Variants in SSBP3 observed in about 807,000 individuals in gnomAD.
SSBP3 encodes the protein single stranded DNA binding protein 3.
A neutral mutation model predicts 69.6 loss-of-function variants in SSBP3; 5 were observed. The observed-to-expected ratio is 0.07, with a 90% CI of 0.04 to 0.15. SSBP3 has a LOEUF of 0.15. Among genes scored for constraint, SSBP3 ranks in the 10% least tolerant of loss-of-function variants. SSBP3 has a pLI of 1.00. For synonymous variants in SSBP3, 196 were observed against 193.4 expected (o/e 1.01, Z -0.11); for missense variants, 312 against 534.0 (o/e 0.58, Z 4.10).
chr1:54,281,568 C>T (rs1242623053), intron 4 of SSBP3, 41 bp from the exon 5 acceptor site: 2 of 1,519,154 alleles, frequency 1.3e-6, no homozygotes, highest in African/African-American at 2.8e-5. Flanking sequence ...GCCAAACCCA[C>T]AACCAGAGAC....
At chr1:54,233,539 G>GT (rs1344342106) in intron 14 of SSBP3, among the ~76,000 whole-genome samples, 27 of 146,498 alleles carry the variant, frequency 1.8e-4, no homozygotes, top group African/African-American at 6.8e-4. Flanking sequence ...AGGGAGGTGG[G>GT]GGGGGTAAGC....
At chr1:54,274,398 T>A (rs1288179236) in intron 5 of SSBP3, among the ~76,000 whole-genome samples, 2 of 108,616 alleles carry the variant, frequency 1.8e-5, no homozygotes, top group African/African-American at 3.4e-5. Flanking sequence ...ACTATTAACA[T>A]AAGAGGGTGT....
chr1:54,256,782 C>T (rs1644929769), intron 7 of SSBP3, among the ~76,000 whole-genome samples: 1 of 152,146 alleles, frequency 6.6e-6, no homozygotes, highest in Admixed American at 6.5e-5. Flanking sequence ...GGAGGAAGAC[C>T]CTCTTCCAAG....
At chr1:54,358,320 G>A (rs35264681) in intron 4 of SSBP3, among the ~76,000 whole-genome samples, 1,887 of 152,254 alleles carry the variant, frequency 0.012, 20 homozygotes, top group South Asian at 0.032. Context: ...ATTTAGATAC[G>A]GTGGACTCTT....
intron 5 of SSBP3, among the ~76,000 whole-genome samples, chr1:54,266,700 G>A (rs1213127393): frequency 4.6e-5 from 7 of 152,004 alleles, no homozygotes; most frequent in African/African-American, 1.7e-4. Flanking sequence ...GGGGAAAACT[G>A]AAGTATAGTG....
At position 54,334,125 on chromosome 1, in the gene SSBP3, G is replaced by A. The variant is rs187649321; in HGVS notation, c.277-52598C>T. Among the ~76,000 whole-genome samples, 455 of 152,040 alleles carry A rather than the reference G, an allele frequency of 3.0e-3. 5 individuals are homozygous for A. Among genetic ancestry groups the A allele is most frequent in the African/African-American group, 0.01 (433 of 41,452 alleles). ...TCCCAGCACTTTGGGAGGCCGAGGC[G>A]GGCGGATCACGAGGTCAAGCTATTG... On this transcript the variant is annotated intron_variant, in intron 4 of 17. Coordinates refer to ENST00000610401, the Ensembl canonical transcript of SSBP3.
chr1:54,275,475 C>T (rs913761761), intron 5 of SSBP3, among the ~76,000 whole-genome samples: 8 of 152,364 alleles, frequency 5.3e-5, no homozygotes, highest in African/African-American at 1.9e-4. Flanking sequence ...GCTCCTGCTT[C>T]CCGCTGGAGA....
intron 5 of SSBP3, among the ~76,000 whole-genome samples, chr1:54,273,240 G>A (rs912792164): frequency 1.2e-4 from 18 of 152,246 alleles, no homozygotes; most frequent in Non-Finnish European, 2.2e-4. Flanking sequence ...GAGAGTTACG[G>A]CGCTACATGT....
intron 14 of SSBP3, chr1:54,238,215 G>A (rs760902892): frequency 6.2e-5 from 29 of 470,966 alleles, no homozygotes; most frequent in Non-Finnish European, 1.1e-4. Context: ...GGTTTAACAC[G>A]TGGGGTGATC....
At chr1:54,359,423 C>T (rs924210831) in intron 4 of SSBP3, among the ~76,000 whole-genome samples, 1 of 152,090 alleles carries the variant, frequency 6.6e-6, no homozygotes, top group South Asian at 2.1e-4. Flanking sequence ...TAGAGGTTAT[C>T]GACTGATAAA....
At chr1:54,235,448 A>ATTTTTTTTTTTTTTTTTTTTTTTTTTT (rs71580002) in intron 14 of SSBP3, among the ~76,000 whole-genome samples, 1 of 69,922 alleles carries the variant, frequency 1.4e-5, no homozygotes, top group East Asian at 4.1e-4. Flanking sequence ...TGCCCGGCTG[A>ATTTTTTTTTTTTTTTTTTTTTTTTTTT]TTTTTTTTTT....
At chr1:54,405,714 C>T (rs1649687739) in intron 1 of SSBP3, among the ~76,000 whole-genome samples, 1 of 151,742 alleles carries the variant, frequency 6.6e-6, no homozygotes, top group Non-Finnish European at 1.5e-5. Flanking sequence ...AGTACCCCCT[C>T]CGGCGGCTCC....
chr1:54,227,910 T>C (rs1443623265), intron 17 of SSBP3, among the ~76,000 whole-genome samples: 2 of 152,010 alleles, frequency 1.3e-5, no homozygotes, highest in Non-Finnish European at 1.5e-5. Context: ...GCCCTGAAAA[T>C]CGTTGGCTGC....
At chr1:54,317,056 T>C (rs768679436) in intron 4 of SSBP3, among the ~76,000 whole-genome samples, 1 of 152,170 alleles carries the variant, frequency 6.6e-6, no homozygotes, top group African/African-American at 2.4e-5. Flanking sequence ...AATGTGAATT[T>C]TGGGGAGACT....
At chr1:54,333,653 G>A (rs1344549264) in intron 4 of SSBP3, among the ~76,000 whole-genome samples, 2 of 152,150 alleles carry the variant, frequency 1.3e-5, no homozygotes. Context: ...GTATCATCTT[G>A]GGCAACTGAC....
At chr1:54,305,727 G>C (rs1270493631) in intron 4 of SSBP3, among the ~76,000 whole-genome samples, 2 of 151,922 alleles carry the variant, frequency 1.3e-5, no homozygotes, top group East Asian at 1.9e-4. Context: ...CAAAGTGCTA[G>C]GATTACAGGA....
chr1:54,391,856 C>T (rs1648520051), intron 4 of SSBP3, among the ~76,000 whole-genome samples: 1 of 152,098 alleles, frequency 6.6e-6, no homozygotes, highest in Non-Finnish European at 1.5e-5. Flanking sequence ...GACGCAAGCT[C>T]CACGGGGGGC....
At chr1:54,374,877 C>T (rs981495740) in intron 4 of SSBP3, among the ~76,000 whole-genome samples, 3 of 152,184 alleles carry the variant, frequency 2.0e-5, no homozygotes, top group African/African-American at 7.2e-5. Context: ...ATGAAAAGGT[C>T]ATACAGCCGA....
chr1:54,404,937 A>G lies in SSBP3; in HGVS notation c.57-7T>C, dbSNP rs1649596785. 2 of 1,611,764 alleles carry G rather than the reference A, an allele frequency of 1.2e-6. No individual in the cohort carries two copies. Among genetic ancestry groups the G allele is most frequent in the Admixed American group, 1.7e-5 (1 of 59,962 alleles). On this transcript the variant is annotated splice_polypyrimidine_tract_variant and splice_region_variant and intron_variant, in intron 1 of 17. Coordinates refer to ENST00000610401, the Ensembl canonical transcript of SSBP3. ...GTAGACGTATAAAGCTAACCTGGAA[A>G]GTGGACAGGGGGCAAAGAGAGAGAG...
Sources: gnomAD v4.1 joint callset for allele counts (sites outside exome capture counted in the v4.1 genomes callset) on GRCh38, gnomAD v4.1.1 for gene constraint, MANE v1.5 for transcripts, NCBI Gene and HGNC (gene_info 2026-07-23, HGNC 2026-07-21) for gene names.